FNDC3A: variants seen among roughly 807,000 people sequenced by gnomAD.
FNDC3A encodes the protein fibronectin type-III domain-containing protein 3A.
FNDC3A carries 32 observed loss-of-function variants against 148.9 expected under a neutral mutation model. The observed-to-expected ratio is 0.21, with a 90% CI of 0.16 to 0.29. FNDC3A has a LOEUF of 0.29. FNDC3A is among the 10% of genes least tolerant of loss of function. The pLI, the probability that FNDC3A is intolerant of heterozygous loss-of-function variation, is 1.00. For synonymous variants in FNDC3A, 472 were observed against 473.6 expected, an observed-to-expected ratio of 1.00 and a Z score of 0.04; for missense variants, 1,191 against 1,452.8, an observed-to-expected ratio of 0.82 and a Z score of 2.93.
Position 49,198,449 on chromosome 13 carries a change from A to T in FNDC3A, c.2862A>T (p.Pro954=), listed in dbSNP as rs757533865. The T allele has an allele frequency of 1.5e-4, 248 of 1,613,958 alleles. No individual in the cohort carries two copies. Among genetic ancestry groups the T allele is most frequent in the Non-Finnish European group, 2.0e-4 (239 of 1,179,992 alleles). Residue 954 remains proline, a synonymous_variant, in exon 23 of 26, where the codon CCA becomes CCT. Transcript: ENST00000492622. ...KLKTKPLPPD[P]PRLECVAFSH... ...AAACTAAGCCTCTCCCTCCTGATCC[A>T]CCTCGTCTGGAATGTGTTGCCTTTA...
intron 7 of FNDC3A, among the ~76,000 whole-genome samples, chr13:49,144,322 A>AATACAGT (rs1422276731): frequency 6.6e-6 from 1 of 152,158 alleles, no homozygotes; most frequent in African/African-American, 2.4e-5. Flanking sequence ...TATTAGAGTG[A>AATACAGT]ATACAGTATT....
At chr13:49,176,446 C>A (rs1232257231) in intron 13 of FNDC3A, among the ~76,000 whole-genome samples, 1 of 151,842 alleles carries the variant, frequency 6.6e-6, no homozygotes, top group Non-Finnish European at 1.5e-5. Context: ...AACACCTGGA[C>A]ACAGGGAGGG....
intron 3 of FNDC3A, among the ~76,000 whole-genome samples, chr13:49,081,374 C>A (rs1298571018): frequency 6.6e-6 from 1 of 152,072 alleles, no homozygotes; most frequent in Non-Finnish European, 1.5e-5. Context: ...GACAGACAAG[C>A]AAAAATATTG....
intron 3 of FNDC3A, among the ~76,000 whole-genome samples, chr13:49,090,401 G>A (rs1450397806): frequency 6.6e-6 from 1 of 151,988 alleles, no homozygotes; most frequent in East Asian, 1.9e-4. Flanking sequence ...GTGACAGAGC[G>A]AGACTCCGTC....
chr13:49,109,077 T>C (rs1021133365), intron 3 of FNDC3A, among the ~76,000 whole-genome samples: 12 of 152,234 alleles, frequency 7.9e-5, no homozygotes, highest in African/African-American at 2.9e-4. Context: ...GCCCTTGGCA[T>C]GTTACTCTGC....
intron 2 of FNDC3A, among the ~76,000 whole-genome samples, chr13:49,051,826 G>A (rs974020431): frequency 6.6e-5 from 10 of 152,016 alleles, no homozygotes; most frequent in Admixed American, 1.3e-4. Context: ...AGCTTTGTAC[G>A]TTTAACATAG....
At chr13:49,006,649 T>C (rs1952226361) in intron 2 of FNDC3A, among the ~76,000 whole-genome samples, 1 of 152,014 alleles carries the variant, frequency 6.6e-6, no homozygotes, top group Admixed American at 6.6e-5. Flanking sequence ...TATATAATAA[T>C]GAAACGTTGT....
chr13:49,073,408 A>G (rs1877838889), intron 2 of FNDC3A, among the ~76,000 whole-genome samples: 1 of 151,986 alleles, frequency 6.6e-6, no homozygotes, highest in Admixed American at 6.6e-5. Context: ...ACAATAGTAC[A>G]GGTTGGGCAT....
At chr13:49,175,982 T>G (rs1279329993) in intron 13 of FNDC3A, among the ~76,000 whole-genome samples, 1 of 152,228 alleles carries the variant, frequency 6.6e-6, no homozygotes, top group Non-Finnish European at 1.5e-5. Flanking sequence ...TGGTTCTGTT[T>G]ATGTGATGGA....
At chr13:49,072,262 A>C (rs1877745909) in intron 2 of FNDC3A, among the ~76,000 whole-genome samples, 1 of 152,100 alleles carries the variant, frequency 6.6e-6, no homozygotes, top group South Asian at 2.1e-4. Context: ...AGCACTATTT[A>C]CTAAAAAGAC....
intron 9 of FNDC3A, among the ~76,000 whole-genome samples, chr13:49,168,286 A>G (rs1246746758): frequency 6.6e-6 from 1 of 152,226 alleles, no homozygotes; most frequent in East Asian, 1.9e-4. Context: ...TGTGGGTTAT[A>G]TTCAGCATTT....
intron 25 of FNDC3A, among the ~76,000 whole-genome samples, chr13:49,206,382 G>A (rs1475158849): frequency 6.6e-6 from 1 of 151,868 alleles, no homozygotes; most frequent in Non-Finnish European, 1.5e-5. Context: ...TAAGCTTGTG[G>A]TAGTTATTTA....
At chr13:49,120,038 T>A (rs1278949335) in intron 4 of FNDC3A, among the ~76,000 whole-genome samples, 2 of 152,016 alleles carry the variant, frequency 1.3e-5, no homozygotes, top group African/African-American at 4.8e-5. Flanking sequence ...CACGTAATTG[T>A]CAGATTCACC....
At chr13:49,099,164 A>G (rs1451143620) in intron 3 of FNDC3A, among the ~76,000 whole-genome samples, 2 of 152,160 alleles carry the variant, frequency 1.3e-5, no homozygotes, top group East Asian at 3.8e-4. Context: ...TTTTAAAACA[A>G]TATTATTAGT....
chr13:49,070,795 G>A (rs1212292307), intron 2 of FNDC3A, among the ~76,000 whole-genome samples: 2 of 151,014 alleles, frequency 1.3e-5, no homozygotes, highest in African/African-American at 4.9e-5. Flanking sequence ...GTGAGAACAT[G>A]CAATATTTAT....
chr13:49,098,430 A>G (rs1879665188), intron 3 of FNDC3A, among the ~76,000 whole-genome samples: 1 of 152,128 alleles, frequency 6.6e-6, no homozygotes, highest in African/African-American at 2.4e-5. Context: ...GCTCCTTCCT[A>G]CTAAAATAAC....
chr13:49,018,949 G>A (rs1873063904), intron 2 of FNDC3A, among the ~76,000 whole-genome samples: 1 of 152,222 alleles, frequency 6.6e-6, no homozygotes, highest in Non-Finnish European at 1.5e-5. Flanking sequence ...TGAGGAGGCA[G>A]TCTGCCCGTT....
At chr13:49,044,525 C>G (rs1410996907) in intron 2 of FNDC3A, 1 of 165,592 alleles carries the variant, frequency 6.0e-6, no homozygotes, top group African/African-American at 2.4e-5. Flanking sequence ...CAAAAATTAG[C>G]CAGGTGTGGT....
chr13:49,011,284 A>C lies in FNDC3A; in HGVS notation c.99+4995A>C, dbSNP rs188881490. 6.1e-4 allele frequency among the ~76,000 whole-genome samples: 92 copies of C among 151,628 alleles called. 1 individual carries two copies. The East Asian group carries it at 0.016, about 26-fold the overall frequency. ...GGTCTCGCTCTGTCACCCAGGCTGG[A>C]GTGCAGTGGCGTGATCTCGGCTCAC... On this transcript the variant is annotated intron_variant, in intron 2 of 25. Coordinates refer to ENST00000492622, the MANE Select transcript of FNDC3A (RefSeq NM_001079673.2).
Sources: gnomAD v4.1 joint callset for allele counts (sites outside exome capture counted in the v4.1 genomes callset) on GRCh38, gnomAD v4.1.1 for gene constraint, MANE v1.5 for transcripts, NCBI Gene and HGNC (gene_info 2026-07-23, HGNC 2026-07-21) for gene names.